WDR37: variants seen among roughly 807,000 people sequenced by gnomAD.
The protein encoded by WDR37 is WD repeat-containing protein 37.
In WDR37, 19 loss-of-function variants were observed where a neutral mutation model predicts 62.9. The observed-to-expected ratio is 0.30, with a 90% CI of 0.21 to 0.44. WDR37 has a LOEUF of 0.44. WDR37 is among the 20% of genes least tolerant of loss of function. WDR37 has a pLI of 1.00. For missense variants in WDR37, 474 were observed against 657.6 expected, an observed-to-expected ratio of 0.72 and a Z score of 3.05; for synonymous variants, 250 against 260.9, an observed-to-expected ratio of 0.96 and a Z score of 0.40.
At position 1,091,998 on chromosome 10, in the gene WDR37, G is replaced by A. The variant is rs564096620; in HGVS notation, c.605-1454G>A. Among the ~76,000 whole-genome samples the A allele has an allele frequency of 2.4e-4, 36 of 150,496 alleles. No individual in the cohort carries two copies. In the South Asian group the frequency reaches 7.4e-3, roughly 31 times the overall value. ...GATTGAGACCATCTTGGCTAACACG[G>A]TGAAACCCCGTTTCTACTAAAAATA... On this transcript the variant is annotated intron_variant, in intron 7 of 13. Coordinates refer to ENST00000263150, the MANE Select transcript of WDR37 (RefSeq NM_014023.4).
intron 11 of WDR37, among the ~76,000 whole-genome samples, chr10:1,111,441 C>G (rs866892316): frequency 6.6e-6 from 1 of 151,998 alleles, no homozygotes; most frequent in African/African-American, 2.4e-5. Context: ...CATTCTGTGC[C>G]TTTTTGAAAG....
intron 9 of WDR37, among the ~76,000 whole-genome samples, chr10:1,097,795 T>C (rs1834639247): frequency 6.6e-6 from 1 of 152,224 alleles, no homozygotes; most frequent in Non-Finnish European, 1.5e-5. Flanking sequence ...CCCTGTTGCC[T>C]CTTTCTCTCT....
intron 6 of WDR37, among the ~76,000 whole-genome samples, chr10:1,084,809 C>T (rs1344534318): frequency 6.6e-6 from 1 of 152,182 alleles, no homozygotes; most frequent in Non-Finnish European, 1.5e-5. Flanking sequence ...ATTCCATGCT[C>T]CCATGAATAG....
At chr10:1,125,958 C>G (rs565988721) in intron 13 of WDR37, among the ~76,000 whole-genome samples, 2 of 152,232 alleles carry the variant, frequency 1.3e-5, no homozygotes, top group Non-Finnish European at 2.9e-5. Flanking sequence ...GGCACCCGCA[C>G]AGATGCAGAG....
rs34462108 is a variant in WDR37 at position 1,098,326 on chromosome 10, G to GTTT, written c.726+2097_726+2099dup. Reference sequence around the variant, plus strand: ...CTTTCTACCCCCTCCCCATCTGTCCGTTTTTTTTTTTTTTTTTTTGAGATG... The same window carrying GTTT: ...CTTTCTACCCCCTCCCCATCTGTCCGTTTTTTTTTTTTTTTTTTTTTTGAGATG... On this transcript the variant is annotated intron_variant, in intron 9 of 13. Transcript: ENST00000263150. Among the ~76,000 whole-genome samples, 255 of 120,280 alleles carry GTTT rather than the reference G, an allele frequency of 2.1e-3. 6 individuals are homozygous for GTTT. The highest frequency in any genetic ancestry group is 3.7e-3 in the East Asian group (15 of 4,054). The allele number at this position is 120,280 out of a possible 152,430, so 78.9% of individuals were successfully genotyped here. A position where few individuals can be genotyped will look rare whatever the true frequency, so the allele number is the denominator to read the frequency against.
At chr10:1,061,404 T>A (rs185911872) in intron 1 of WDR37, among the ~76,000 whole-genome samples, 1 of 152,322 alleles carries the variant, frequency 6.6e-6, no homozygotes, top group East Asian at 1.9e-4. Context: ...GCTACGCCGG[T>A]TGAGCATCCT....
chr10:1,062,719 G>A (rs1158917505), intron 1 of WDR37, among the ~76,000 whole-genome samples: 1 of 152,146 alleles, frequency 6.6e-6, no homozygotes, highest in African/African-American at 2.4e-5. Flanking sequence ...CTTTCTGCTT[G>A]CGGAAAGATG....
At chr10:1,058,760 C>T (rs896111274) in intron 1 of WDR37, among the ~76,000 whole-genome samples, 2 of 152,182 alleles carry the variant, frequency 1.3e-5, no homozygotes, top group Non-Finnish European at 2.9e-5. Flanking sequence ...CGATATTGCT[C>T]AGAAGTTGAA....
Position 1,105,872 on chromosome 10 carries a change from G to C in WDR37, c.1103+605G>C, listed in dbSNP as rs1226014059. Among the ~76,000 whole-genome samples, 2 of 151,934 alleles carry C rather than the reference G, an allele frequency of 1.3e-5. No homozygotes were observed. Among genetic ancestry groups the C allele is most frequent in the Non-Finnish European group, 2.9e-5 (2 of 67,994 alleles). On this transcript the variant is annotated intron_variant, in intron 11 of 13. Transcript: ENST00000263150. This position sits in a 1 kb window ranked among gnomAD's most constrained non-coding sequence, Gnocchi z 5.3. ...GCTATCTCGGCTCACTGCAAGCTCC[G>C]CCTCCCGGGTTCACGCCATTCTCCT...
chr10:1,105,009 T>C lies in WDR37; in HGVS notation c.962-117T>C. ...ACCCACATGCTGCTGAGTGATTCCATTAGGTCAGGTTCACAGTCTCAGAGA... is the reference window on the plus strand; with the variant it reads ...ACCCACATGCTGCTGAGTGATTCCACTAGGTCAGGTTCACAGTCTCAGAGA... On this transcript the variant is annotated intron_variant, in intron 10 of 13. Coordinates refer to ENST00000263150, the MANE Select transcript of WDR37 (RefSeq NM_014023.4). The surrounding 1 kb of genome is among the most constrained non-coding windows in gnomAD (Gnocchi z 5.3). The C allele has an allele frequency of 7.9e-7, 1 of 1,268,108 alleles. No homozygotes were observed. 78.6% of individuals were successfully genotyped at this position (1,268,108 alleles called of 1,614,324 possible).
At chr10:1,124,764 C>A in intron 12 of WDR37, 146 bp from the exon 13 acceptor site, 2 of 1,093,508 alleles carry the variant, frequency 1.8e-6, no homozygotes, top group Non-Finnish European at 2.6e-6. Context: ...CTTTTGAATA[C>A]CGTAAGCAGG....
At chr10:1,088,158 G>T (rs1379592653) in intron 7 of WDR37, among the ~76,000 whole-genome samples, 1 of 152,150 alleles carries the variant, frequency 6.6e-6, no homozygotes, top group Non-Finnish European at 1.5e-5. Context: ...GCAGCTAAAG[G>T]GAATGTTGTG....
chr10:1,076,468 A>G (rs1478088713), intron 2 of WDR37, among the ~76,000 whole-genome samples: 2 of 152,104 alleles, frequency 1.3e-5, no homozygotes, highest in African/African-American at 4.8e-5. Flanking sequence ...TCATGAGGTC[A>G]GGAGATTGAG....
chr10:1,125,381 G>T (rs1295926611), intron 13 of WDR37, among the ~76,000 whole-genome samples: 1 of 152,094 alleles, frequency 6.6e-6, no homozygotes, highest in Non-Finnish European at 1.5e-5. Flanking sequence ...GCGCCACCAC[G>T]CCTGGCTAAT....
At position 1,120,762 on chromosome 10, in the gene WDR37, A is replaced by G. The variant is rs533223921; in HGVS notation, c.1104-3456A>G. Among the ~76,000 whole-genome samples, 11 of 152,344 alleles carry G rather than the reference A, an allele frequency of 7.2e-5. 1 individual carries two copies. Among genetic ancestry groups the G allele is most frequent in the African/African-American group, 2.6e-4 (11 of 41,588 alleles). ...GATGTCGTGCCGGAAAAGCACTCCC[A>G]TCAGCGCTTTGTGGCCCAGTGTTTT... On this transcript the variant is annotated intron_variant, in intron 11 of 13. Transcript: ENST00000263150.
chr10:1,105,419 T>G lies in WDR37; in HGVS notation c.1103+152T>G. The G allele has an allele frequency of 4.5e-6, 5 of 1,121,166 alleles. No individual in the cohort carries two copies. Among genetic ancestry groups the G allele is most frequent in the Non-Finnish European group, 6.2e-6 (5 of 803,474 alleles). 69.5% of individuals were successfully genotyped at this position (1,121,166 alleles called of 1,614,324 possible). ...CTTTCAAATTCTGCTATTCTTTTTC[T>G]AAACATTTAGCTCCATTTTGGCTAT... is the stretch of plus-strand genomic sequence containing the variant. On this transcript the variant is annotated intron_variant, in intron 11 of 13. Transcript: ENST00000263150. The surrounding 1 kb of genome is among the most constrained non-coding windows in gnomAD (Gnocchi z 5.3).
intron 11 of WDR37, among the ~76,000 whole-genome samples, chr10:1,106,519 T>C (rs2131665781): frequency 6.6e-6 from 1 of 152,288 alleles, no homozygotes; most frequent in Middle Eastern, 3.4e-3. Flanking sequence ...TTTTTGTTTG[T>C]TTGTTTGTTT....
rs61831000 is a variant in WDR37 at position 1,059,985 on chromosome 10, G to A, written c.-41+3017G>A. Among the ~76,000 whole-genome samples, 321 of 152,120 alleles carry A rather than the reference G, an allele frequency of 2.1e-3. 5 individuals carry two copies. Among genetic ancestry groups the A allele is most frequent in the South Asian group, 6.7e-3 (32 of 4,810 alleles). On this transcript the variant is annotated intron_variant, in intron 1 of 13. Transcript: ENST00000263150. ...TCAGCCTCCAGGGTAGATGGGAGGC[G>A]TGTACCATCACGCCCAGCTGATTTT...
chr10:1,126,168 G>A (rs1342077754), intron 13 of WDR37, among the ~76,000 whole-genome samples: 2 of 152,304 alleles, frequency 1.3e-5, no homozygotes, highest in East Asian at 1.9e-4. Context: ...CACTTTGGGA[G>A]GCTGAGGCGG....
Sources: gnomAD v4.1 joint callset for allele counts (sites outside exome capture counted in the v4.1 genomes callset) on GRCh38, gnomAD v4.1.1 for gene constraint, Gnocchi (gnomAD v3.1) non-coding constraint, MANE v1.5 for transcripts, NCBI Gene and HGNC (gene_info 2026-07-23, HGNC 2026-07-21) for gene names.